ETNK1: variants seen among roughly 807,000 people sequenced by gnomAD.
ETNK1 encodes putative protein product of Nbla10396.
In ETNK1, 8 loss-of-function variants were observed where a neutral mutation model predicts 45.1. The ratio of observed to expected loss-of-function variants is 0.18; its 90% confidence interval spans 0.10 to 0.32. The LOEUF (loss-of-function observed/expected upper bound fraction) is 0.32. ETNK1 is among the 10% of genes least tolerant of loss of function. The probability of loss-of-function intolerance (pLI) is 1.00; values close to 1 mark genes in which losing one functional copy is unlikely to be tolerated. For synonymous variants in ETNK1, 152 were observed against 151.9 expected, an observed-to-expected ratio of 1.00 and a Z score of -0.01; for missense variants, 302 against 430.6, an observed-to-expected ratio of 0.70 and a Z score of 2.64.
chr12:22,633,469 A>G (rs994112788), intron 1 of ETNK1, among the ~76,000 whole-genome samples: 1 of 152,212 alleles, frequency 6.6e-6, no homozygotes, highest in African/African-American at 2.4e-5. Context: ...TGATGTAGTT[A>G]TTATAGGCTT....
intron 2 of ETNK1, among the ~76,000 whole-genome samples, chr12:22,646,885 C>T (rs948767766): frequency 1.3e-5 from 2 of 151,682 alleles, no homozygotes; most frequent in African/African-American, 4.8e-5. Flanking sequence ...GAAAAATAAC[C>T]TAAATATTGT....
At chr12:22,673,729 A>ATT (rs747295452) in intron 6 of ETNK1, 69 bp downstream of exon 6, 117 of 1,399,722 alleles carry the variant, frequency 8.4e-5, no homozygotes, top group Admixed American at 1.1e-4. Flanking sequence ...AATTTTCGTC[A>ATT]TCTTAGACAA....
intron 5 of ETNK1, 22 bp downstream of exon 5, chr12:22,671,377 ATT>A (rs1464342479): frequency 7.2e-7 from 1 of 1,380,280 alleles, no homozygotes; most frequent in East Asian, 2.3e-5. Context: ...GGAGTAACTT[ATT>A]TAGCTTTGAA....
intron 1 of ETNK1, among the ~76,000 whole-genome samples, chr12:22,627,114 A>T (rs1409407321): frequency 6.6e-6 from 1 of 152,052 alleles, no homozygotes. Context: ...TTGTCTGTAG[A>T]ATAGTAATAA....
chr12:22,668,817 A>G lies in ETNK1; in HGVS notation c.701-2455A>G, dbSNP rs1463601432. Among the ~76,000 whole-genome samples, 5 of 152,326 alleles carry G rather than the reference A, an allele frequency of 3.3e-5. No individual in the cohort carries two copies. In the East Asian group the frequency reaches 9.6e-4, roughly 29 times the overall value. ...CTAGTTTTAATTAATTAATGTTACTACAAAAAGTCATTGCTAAAATTTTCA... is the reference window on the plus strand; with the variant it reads ...CTAGTTTTAATTAATTAATGTTACTGCAAAAAGTCATTGCTAAAATTTTCA... On this transcript the variant is annotated intron_variant, in intron 4 of 7. Transcript: ENST00000266517.
intron 5 of ETNK1, among the ~76,000 whole-genome samples, chr12:22,672,892 T>C (rs189297554): frequency 1.3e-5 from 2 of 152,310 alleles, no homozygotes; most frequent in African/African-American, 4.8e-5. Context: ...ATTTGTGGGG[T>C]AATGACTTTT....
chr12:22,643,728 C>CT (rs753575160), intron 1 of ETNK1, 35 bp from the exon 2 acceptor site: 2 of 1,553,088 alleles, frequency 1.3e-6, no homozygotes, highest in African/African-American at 1.4e-5. Context: ...TAGATAATTG[C>CT]TTTTTTTCCC....
intron 6 of ETNK1, among the ~76,000 whole-genome samples, chr12:22,679,952 C>T (rs372685794): frequency 1.3e-5 from 2 of 152,070 alleles, no homozygotes; most frequent in Admixed American, 6.5e-5. Flanking sequence ...TCGGCCTCCC[C>T]GAGTGTTGGG....
intron 5 of ETNK1, among the ~76,000 whole-genome samples, chr12:22,672,020 G>T (rs1954114272): frequency 6.6e-6 from 1 of 151,920 alleles, no homozygotes; most frequent in African/African-American, 2.4e-5. Flanking sequence ...CAAGGTCACA[G>T]TAAAATACAG....
At position 22,625,353 on chromosome 12, in the gene ETNK1, A is replaced by AC. The variant is rs759067491; in HGVS notation, c.-76dup. On this transcript the variant is annotated 5_prime_UTR_variant, in exon 1 of 8. Coordinates refer to ENST00000266517, the MANE Select transcript of ETNK1 (RefSeq NM_018638.5). ...AGGGCGCCCCGGGACGGAAGGATCC[A>AC]CCAGTCTGTCGGCGCCCGCCGTTCT... is the stretch of plus-strand genomic sequence containing the variant. The AC allele has an allele frequency of 6.4e-7, 1 of 1,557,854 alleles. No homozygotes were observed. Among genetic ancestry groups the AC allele is most frequent in the Admixed American group, 1.9e-5 (1 of 53,112 alleles).
At chr12:22,645,792 A>G (rs900040588) in intron 2 of ETNK1, among the ~76,000 whole-genome samples, 1 of 151,748 alleles carries the variant, frequency 6.6e-6, no homozygotes, top group Admixed American at 6.6e-5. Flanking sequence ...TTGCTGTATT[A>G]TTGAATGCTA....
At chr12:22,682,758 C>T (rs966781212) in intron 6 of ETNK1, among the ~76,000 whole-genome samples, 1 of 152,022 alleles carries the variant, frequency 6.6e-6, no homozygotes, top group African/African-American at 2.4e-5. Context: ...GTAGTTTCAC[C>T]CTCACTGCTT....
Position 22,625,388 on chromosome 12 carries a change from C to G in ETNK1, c.-43C>G, listed in dbSNP as rs1332154305. ...CGGCGCCCGCCGTTCTCGTGGTCGC[C>G]GTCGCCGTCGTCGTGGTGGTAGTCT... On this transcript the variant is annotated 5_prime_UTR_variant, in exon 1 of 8. Coordinates refer to ENST00000266517, the MANE Select transcript of ETNK1 (RefSeq NM_018638.5). 19 of 1,563,918 alleles carry G rather than the reference C, an allele frequency of 1.2e-5. No individual in the cohort carries two copies. The highest frequency in any genetic ancestry group is 1.6e-5 in the Non-Finnish European group (18 of 1,158,190).
At position 22,675,470 on chromosome 12, in the gene ETNK1, C is replaced by G. The variant is rs531226295; in HGVS notation, c.945+1810C>G. 2.6e-5 allele frequency among the ~76,000 whole-genome samples: 4 copies of G among 151,700 alleles called. No individual in the cohort carries two copies. In the South Asian group the frequency reaches 8.4e-4, roughly 32 times the overall value. On this transcript the variant is annotated intron_variant, in intron 6 of 7. Coordinates refer to ENST00000266517, the MANE Select transcript of ETNK1 (RefSeq NM_018638.5). ...TCCTGAGCACAAGGGGTTCTCCCAACTCAGCCTCCCAAGTAGCTAGGACTA... is the reference window on the plus strand; with the variant it reads ...TCCTGAGCACAAGGGGTTCTCCCAAGTCAGCCTCCCAAGTAGCTAGGACTA...
chr12:22,655,499 G>A (rs954492030), intron 2 of ETNK1, among the ~76,000 whole-genome samples: 1 of 151,000 alleles, frequency 6.6e-6, no homozygotes, highest in African/African-American at 2.4e-5. Context: ...ACCACACCAG[G>A]CTACTTTTTG....
chr12:22,660,943 G>T, intron 3 of ETNK1, 120 bp from the exon 4 acceptor site: 2 of 785,128 alleles, frequency 2.5e-6, no homozygotes, highest in Non-Finnish European at 4.0e-6. Context: ...TTGGTCTGTT[G>T]TTTGAATTCA....
intron 4 of ETNK1, among the ~76,000 whole-genome samples, chr12:22,664,990 T>C (rs554516918): frequency 1.3e-5 from 2 of 152,296 alleles, no homozygotes; most frequent in South Asian, 4.1e-4. Context: ...ATTATCTTGA[T>C]GTCTCTACAT....
intron 6 of ETNK1, among the ~76,000 whole-genome samples, chr12:22,675,811 A>G (rs1954154963): frequency 6.6e-6 from 1 of 152,226 alleles, no homozygotes; most frequent in Admixed American, 6.5e-5. Context: ...TTAAAAAAAG[A>G]TAAAGGACAA....
intron 1 of ETNK1, among the ~76,000 whole-genome samples, chr12:22,630,809 C>T (rs1953569689): frequency 6.6e-6 from 1 of 151,894 alleles, no homozygotes; most frequent in South Asian, 2.1e-4. Context: ...CGGGGTTTCA[C>T]CATGTTGGCC....
Sources: gnomAD v4.1 joint callset for allele counts (sites outside exome capture counted in the v4.1 genomes callset) on GRCh38, gnomAD v4.1.1 for gene constraint, MANE v1.5 for transcripts, NCBI Gene and HGNC (gene_info 2026-07-23, HGNC 2026-07-21) for gene names.